The following SCAPER variants were observed in gnomAD, a reference collection of about 807,000 sequenced individuals.
SCAPER encodes the protein S-phase cyclin A associated protein in the ER.
Under a neutral mutation model 182.2 loss-of-function variants are expected in SCAPER, and 98 were observed. That is an observed-to-expected ratio of 0.54 (90% CI 0.46 to 0.64). The LOEUF (loss-of-function observed/expected upper bound fraction) is 0.64, where lower values mean the gene tolerates loss of function less well. Ranked by LOEUF, SCAPER falls within the 30% of genes least tolerant of loss-of-function variation. The probability of loss-of-function intolerance (pLI) is 0.00; values close to 1 mark genes in which losing one functional copy is unlikely to be tolerated. For missense variants in SCAPER, 1,432 were observed against 1,690.0 expected (o/e 0.85, Z 2.68); for synonymous variants, 605 against 564.6 (o/e 1.07, Z -1.01).
At chr15:76,615,463 A>ATG in intron 22 of SCAPER, among the ~76,000 whole-genome samples, 1 of 139,396 alleles carries the variant, frequency 7.2e-6, no homozygotes, top group East Asian at 2.1e-4. Context: ...ATGTGTCTGT[A>ATG]TGTGTATATA....
chr15:76,484,886 G>C (rs1351450713), intron 24 of SCAPER, among the ~76,000 whole-genome samples: 2 of 147,312 alleles, frequency 1.4e-5, no homozygotes, highest in Non-Finnish European at 3.0e-5. Flanking sequence ...CAATAAACTA[G>C]GTATTGAAGA....
intron 22 of SCAPER, among the ~76,000 whole-genome samples, chr15:76,613,409 A>G (rs963376560): frequency 6.6e-6 from 1 of 152,230 alleles, no homozygotes; most frequent in Non-Finnish European, 1.5e-5. Context: ...AACAAAAGCA[A>G]ACACTGACAA....
At chr15:76,824,083 G>T (rs1444568957) in intron 5 of SCAPER, among the ~76,000 whole-genome samples, 1 of 152,138 alleles carries the variant, frequency 6.6e-6, no homozygotes, top group Non-Finnish European at 1.5e-5. Flanking sequence ...TCCGAGTCAT[G>T]TTTTACGAAC....
intron 3 of SCAPER, 31 bp downstream of exon 3, chr15:76,862,385 C>G: frequency 2.1e-6 from 3 of 1,449,784 alleles, no homozygotes; most frequent in Non-Finnish European, 2.9e-6. Flanking sequence ...TTATTTACAA[C>G]AAAAATGAAA....
chr15:76,488,980 C>A (rs1054321115), intron 24 of SCAPER, among the ~76,000 whole-genome samples: 1 of 151,104 alleles, frequency 6.6e-6, no homozygotes, highest in Admixed American at 6.6e-5. Context: ...GTCTCAGCCT[C>A]CCAAAGTGCT....
chr15:76,667,781 C>T (rs147475803), intron 20 of SCAPER, among the ~76,000 whole-genome samples: 17 of 151,858 alleles, frequency 1.1e-4, no homozygotes, highest in Middle Eastern at 3.5e-3. Context: ...GGTAGAATCC[C>T]GTCTCTACTA....
At chr15:76,782,236 C>T (rs1265236803) in intron 8 of SCAPER, among the ~76,000 whole-genome samples, 2 of 152,006 alleles carry the variant, frequency 1.3e-5, no homozygotes, top group African/African-American at 4.8e-5. Flanking sequence ...GGGTTGCAAT[C>T]CTAGTCTCTG....
At chr15:76,613,692 T>C (rs2051199929) in intron 22 of SCAPER, among the ~76,000 whole-genome samples, 1 of 152,060 alleles carries the variant, frequency 6.6e-6, no homozygotes, top group African/African-American at 2.4e-5. Flanking sequence ...GAAATGCAAA[T>C]CAAAACCATA....
chr15:76,686,099 C>T (rs1440149139), intron 20 of SCAPER, among the ~76,000 whole-genome samples: 1 of 151,662 alleles, frequency 6.6e-6, no homozygotes, highest in Non-Finnish European at 1.5e-5. Flanking sequence ...TAATATTTTT[C>T]CTAATAGATA....
chr15:76,441,375 C>G (rs895067008), intron 25 of SCAPER, among the ~76,000 whole-genome samples: 1 of 152,142 alleles, frequency 6.6e-6, no homozygotes, highest in African/African-American at 2.4e-5. Context: ...TGTCAGCAAA[C>G]TTTATAGTGT....
intron 31 of SCAPER, 108 bp downstream of exon 31, chr15:76,351,129 G>T: frequency 4.7e-6 from 4 of 855,298 alleles, no homozygotes; most frequent in South Asian, 2.4e-5. Flanking sequence ...AATATTTTTA[G>T]GTTATGTATA....
intron 29 of SCAPER, among the ~76,000 whole-genome samples, chr15:76,373,041 T>TTTAC (rs72282001): frequency 2.8e-4 from 2 of 7,250 alleles, no homozygotes; most frequent in African/African-American, 3.2e-4. Flanking sequence ...TTCCTTTTTC[T>TTTAC]TTCTTTCTTT....
At chr15:76,545,718 G>A (rs557500898) in intron 23 of SCAPER, among the ~76,000 whole-genome samples, 1 of 152,160 alleles carries the variant, frequency 6.6e-6, no homozygotes, top group African/African-American at 2.4e-5. Flanking sequence ...GAGATGCAAA[G>A]GACAGTGGTC....
At chr15:76,743,892 C>T (rs1418018052) in intron 15 of SCAPER, among the ~76,000 whole-genome samples, 1 of 152,124 alleles carries the variant, frequency 6.6e-6, no homozygotes, top group Non-Finnish European at 1.5e-5. Context: ...TCCAACTATG[C>T]CACAAGGCTA....
intron 24 of SCAPER, among the ~76,000 whole-genome samples, chr15:76,499,983 C>T (rs1221932285): frequency 6.6e-6 from 1 of 152,156 alleles, no homozygotes; most frequent in Non-Finnish European, 1.5e-5. Context: ...CAACAAAAAA[C>T]AATGAAAATA....
intron 22 of SCAPER, among the ~76,000 whole-genome samples, chr15:76,590,730 C>G (rs959415503): frequency 1.3e-5 from 2 of 152,160 alleles, no homozygotes; most frequent in South Asian, 4.1e-4. Context: ...AAAAAGATAC[C>G]TGCACTTGTA....
Position 76,833,440 on chromosome 15 carries a change from C to A in SCAPER, c.393+8294G>T, listed in dbSNP as rs149265640. On this transcript the variant is annotated intron_variant, in intron 5 of 31. Coordinates refer to ENST00000563290, the MANE Select transcript of SCAPER (RefSeq NM_020843.4). Reference sequence around the variant, plus strand: ...ATAAGAGCCCACTGACACGAAAAAGCAACTATACAATCAAGTCGACATAAG... The same window carrying A: ...ATAAGAGCCCACTGACACGAAAAAGAAACTATACAATCAAGTCGACATAAG... Among the ~76,000 whole-genome samples, 310 of 152,184 alleles carry A rather than the reference C, an allele frequency of 2.0e-3. 1 individual carries two copies. The highest frequency in any genetic ancestry group is 7.1e-3 in the African/African-American group (293 of 41,514).
At chr15:76,873,601 G>C (rs1347754627) in intron 2 of SCAPER, among the ~76,000 whole-genome samples, 1 of 152,038 alleles carries the variant, frequency 6.6e-6, no homozygotes, top group Non-Finnish European at 1.5e-5. Context: ...TATTTTTGGA[G>C]ATTTTAACAC....
At chr15:76,741,250 C>G (rs1567983012) in intron 15 of SCAPER, among the ~76,000 whole-genome samples, 1 of 151,998 alleles carries the variant, frequency 6.6e-6, no homozygotes, top group Non-Finnish European at 1.5e-5. Flanking sequence ...CAGTGTCTAC[C>G]TAATGTTAAT....
Sources: gnomAD v4.1 joint callset for allele counts (sites outside exome capture counted in the v4.1 genomes callset) on GRCh38, gnomAD v4.1.1 for gene constraint, MANE v1.5 for transcripts, NCBI Gene and HGNC (gene_info 2026-07-23, HGNC 2026-07-21) for gene names.